ENTREP2: variants seen among roughly 807,000 people sequenced by gnomAD.
ENTREP2 encodes the protein protein ENTREP2.
the ENTREP2 span, among the ~76,000 whole-genome samples, chr15:29,138,819 C>G: frequency 6.6e-6 from 1 of 151,688 alleles, no homozygotes; most frequent in African/African-American, 2.4e-5. Flanking sequence ...GTGGGGACTG[C>G]GCTCCCCAAA....
the ENTREP2 span, chr15:29,269,969 C>T: frequency 2.4e-6 from 1 of 425,316 alleles, no homozygotes; most frequent in South Asian, 6.8e-5. Flanking sequence ...AGTGTTGTTA[C>T]CAAACCATGC....
At chr15:29,239,281 T>C in the ENTREP2 span, among the ~76,000 whole-genome samples, 5 of 152,182 alleles carry the variant, frequency 3.3e-5, no homozygotes, top group South Asian at 8.3e-4. Flanking sequence ...CCGGGTTGTA[T>C]AAAAAGTCCT....
chr15:29,553,750 A>G, the ENTREP2 span, among the ~76,000 whole-genome samples: 1 of 152,206 alleles, frequency 6.6e-6, no homozygotes, highest in African/African-American at 2.4e-5. Context: ...ACAAGTATAC[A>G]CGTGGCTGAG....
At chr15:29,227,770 G>C in the ENTREP2 span, among the ~76,000 whole-genome samples, 2 of 152,176 alleles carry the variant, frequency 1.3e-5, no homozygotes, top group Non-Finnish European at 2.9e-5. Context: ...CTCTGCAGTG[G>C]TAAGAGTTGA....
At chr15:29,331,678 A>G in the ENTREP2 span, among the ~76,000 whole-genome samples, 2 of 152,196 alleles carry the variant, frequency 1.3e-5, no homozygotes, top group Non-Finnish European at 2.9e-5. Context: ...CCACCAACCA[A>G]AAATGCAAGC....
the ENTREP2 span, among the ~76,000 whole-genome samples, chr15:29,494,602 G>T: frequency 3.9e-5 from 6 of 152,188 alleles, no homozygotes; most frequent in East Asian, 1.2e-3. Flanking sequence ...GCCACATTAG[G>T]TCTCCAAAAC....
the ENTREP2 span, among the ~76,000 whole-genome samples, chr15:29,427,352 C>T: frequency 5.5e-4 from 84 of 152,246 alleles, no homozygotes; most frequent in African/African-American, 1.9e-3. Flanking sequence ...ACTTGGGGTA[C>T]CTGAGATATA....
the ENTREP2 span, among the ~76,000 whole-genome samples, chr15:29,390,291 A>G: frequency 1.3e-5 from 2 of 152,352 alleles, no homozygotes; most frequent in South Asian, 2.1e-4. Flanking sequence ...CTAGTTAGCC[A>G]TGAAATTACC....
the ENTREP2 span, among the ~76,000 whole-genome samples, chr15:29,504,485 CTT>C: frequency 2.0e-5 from 3 of 152,168 alleles, no homozygotes; most frequent in South Asian, 2.1e-4. Flanking sequence ...AGAAATTCCT[CTT>C]TGTTTACAGA....
chr15:29,159,999 C>T, the ENTREP2 span, among the ~76,000 whole-genome samples: 1 of 152,368 alleles, frequency 6.6e-6, no homozygotes, highest in East Asian at 1.9e-4. Flanking sequence ...GAGGCTCGGG[C>T]CGCACAGGAG....
the ENTREP2 span, chr15:29,610,246 AG>A: frequency 6.6e-6 from 1 of 150,742 alleles, no homozygotes; most frequent in Admixed American, 6.7e-5. Context: ...GAAAAACTTC[AG>A]GGTAAATTTC....
At chr15:29,224,570 G>A in the ENTREP2 span, among the ~76,000 whole-genome samples, 1 of 152,112 alleles carries the variant, frequency 6.6e-6, no homozygotes, top group African/African-American at 2.4e-5. Flanking sequence ...AGACACAAAA[G>A]TTCTCCACCT....
chr15:29,333,949 C>T, the ENTREP2 span, among the ~76,000 whole-genome samples: 2 of 151,682 alleles, frequency 1.3e-5, no homozygotes. Context: ...CATCTACAAG[C>T]CAAGGAACGT....
the ENTREP2 span, among the ~76,000 whole-genome samples, chr15:29,656,335 CAT>C: frequency 6.6e-6 from 1 of 152,004 alleles, no homozygotes; most frequent in South Asian, 2.1e-4. Context: ...AAGCAATTCT[CAT>C]GTGTCAGCCT....
At chr15:29,513,643 T>A in the ENTREP2 span, among the ~76,000 whole-genome samples, 1 of 152,348 alleles carries the variant, frequency 6.6e-6, no homozygotes, top group African/African-American at 2.4e-5. Flanking sequence ...CAGCCAATGA[T>A]GAACATGTGC....
At chr15:29,646,753 G>C in the ENTREP2 span, among the ~76,000 whole-genome samples, 2 of 152,156 alleles carry the variant, frequency 1.3e-5, no homozygotes, top group Non-Finnish European at 2.9e-5. Flanking sequence ...TGGAAATCTT[G>C]GGGCATGGAG....
the ENTREP2 span, among the ~76,000 whole-genome samples, chr15:29,302,718 G>C: frequency 6.6e-6 from 1 of 152,016 alleles, no homozygotes; most frequent in African/African-American, 2.4e-5. Flanking sequence ...GATGTTTCCC[G>C]CAAGAAAGAA....
At chr15:29,598,987 C>A in the ENTREP2 span, among the ~76,000 whole-genome samples, 2 of 152,140 alleles carry the variant, frequency 1.3e-5, no homozygotes, top group Admixed American at 1.3e-4. Context: ...TGAGCCACGG[C>A]GCCTGGCCAA....
the ENTREP2 span, among the ~76,000 whole-genome samples, chr15:29,141,030 G>A: frequency 1.3e-5 from 2 of 152,232 alleles, no homozygotes; most frequent in Admixed American, 1.3e-4. Flanking sequence ...CTGCTCCGGG[G>A]AGAGGGGATC....
Sources: allele counts gnomAD v4.1 joint callset (sites outside exome capture counted in the v4.1 genomes callset), GRCh38; gene constraint gnomAD v4.1.1; transcripts MANE v1.5; gene names NCBI Gene and HGNC (gene_info 2026-07-23, HGNC 2026-07-21).